Variants in ADGRL2 observed in about 807,000 individuals in gnomAD.
ADGRL2 encodes the protein adhesion G protein-coupled receptor L2.
A neutral mutation model predicts 157.4 loss-of-function variants in ADGRL2; 44 were observed. The ratio of observed to expected loss-of-function variants is 0.28; its 90% CI spans 0.22 to 0.36. The LOEUF is 0.36. Ranked by LOEUF, ADGRL2 falls within the 10% of genes least tolerant of loss-of-function variation. ADGRL2 has a pLI of 1.00. For missense variants in ADGRL2, 1,510 were observed against 1,768.9 expected, an observed-to-expected ratio of 0.85 and a Z score of 2.63; for synonymous variants, 585 against 624.7, an observed-to-expected ratio of 0.94 and a Z score of 0.95.
intron 3 of ADGRL2, among the ~76,000 whole-genome samples, chr1:81,920,239 C>G (rs964930580): frequency 6.6e-6 from 1 of 152,046 alleles, no homozygotes; most frequent in African/African-American, 2.4e-5. Flanking sequence ...TTGAATATCG[C>G]TTAGTAAACA....
chr1:81,543,953 C>T (rs2079952300), intron 2 of ADGRL2, among the ~76,000 whole-genome samples: 1 of 152,160 alleles, frequency 6.6e-6, no homozygotes, highest in Non-Finnish European at 1.5e-5. Context: ...GTCTGCTTGG[C>T]AGAGCCTTCT....
intron 6 of ADGRL2, among the ~76,000 whole-genome samples, chr1:81,944,971 T>A (rs1159509220): frequency 6.6e-6 from 1 of 152,078 alleles, no homozygotes; most frequent in East Asian, 1.9e-4. Flanking sequence ...ATGAGTTTTG[T>A]TCATATAATA....
chr1:81,547,113 C>T (rs1282429471), intron 2 of ADGRL2, among the ~76,000 whole-genome samples: 1 of 152,134 alleles, frequency 6.6e-6, no homozygotes, highest in Non-Finnish European at 1.5e-5. Context: ...GGCAAAGTTG[C>T]CAGGCAAGAC....
rs58546437 is a variant in ADGRL2, at chr1:81,633,500, G to A, written c.-143+52520G>A. ...AATCCCAGCTAATTGGGAGGCTGAG[G>A]CAGGAGAATCACTTGAACTGGGGAA... On this transcript the variant is annotated intron_variant, in intron 3 of 24. Transcript: ENST00000370721. 5.0e-3 allele frequency among the ~76,000 whole-genome samples: 742 copies of A among 149,536 alleles called. 7 individuals carry two copies. The highest frequency in any genetic ancestry group is 0.017 in the African/African-American group (707 of 40,548).
chr1:81,854,383 A>G (rs938017733), intron 2 of ADGRL2, among the ~76,000 whole-genome samples: 5 of 152,166 alleles, frequency 3.3e-5, no homozygotes, highest in Admixed American at 6.6e-5. Context: ...TTTCATGGGA[A>G]AGACAGAAAG....
intron 1 of ADGRL2, among the ~76,000 whole-genome samples, chr1:81,701,975 T>C (rs1282636500): frequency 1.3e-5 from 2 of 152,212 alleles, no homozygotes. Flanking sequence ...AAATACAGTT[T>C]TCATGGTCCT....
intron 17 of ADGRL2, among the ~76,000 whole-genome samples, chr1:81,979,360 A>G (rs560533998): frequency 2.2e-4 from 33 of 151,964 alleles, no homozygotes; most frequent in Admixed American, 1.4e-3. Context: ...TACTTTATAT[A>G]ACAAACGTTT....
chr1:81,497,984 A>G (rs1293017558), intron 2 of ADGRL2, among the ~76,000 whole-genome samples: 1 of 152,214 alleles, frequency 6.6e-6, no homozygotes, highest in Non-Finnish European at 1.5e-5. Flanking sequence ...AGGCGGGCAG[A>G]TCACGAGGTC....
intron 2 of ADGRL2, among the ~76,000 whole-genome samples, chr1:81,863,082 G>A (rs1473742125): frequency 6.6e-6 from 1 of 152,110 alleles, no homozygotes; most frequent in Admixed American, 6.5e-5. Context: ...ATTTTATGGG[G>A]GAGTCTAACA....
At position 81,951,129 on chromosome 1, in the gene ADGRL2, G is replaced by C; in HGVS notation, c.1608+8G>C. 1 of 1,582,884 alleles carries C rather than the reference G, an allele frequency of 6.3e-7. No homozygotes were observed. The highest frequency in any genetic ancestry group is 8.7e-7 in the Non-Finnish European group (1 of 1,152,176). On this transcript the variant is annotated splice_region_variant and intron_variant, in intron 8 of 23. Coordinates refer to ENST00000686636, the MANE Select transcript of ADGRL2 (RefSeq NM_001366006.2). ...AATCAGCTGGCTCAGAAGGTTGGTT[G>C]GAACCTTTTAATATGACACATTGGT...
At chr1:81,864,377 T>G (rs919608043) in intron 2 of ADGRL2, among the ~76,000 whole-genome samples, 1 of 152,102 alleles carries the variant, frequency 6.6e-6, no homozygotes, top group Non-Finnish European at 1.5e-5. Context: ...AAAAATTGAT[T>G]GTAATTTCTA....
At chr1:81,426,998 A>G (rs961994468) in intron 1 of ADGRL2, 1 of 925,294 alleles carries the variant, frequency 1.1e-6, no homozygotes, top group Non-Finnish European at 1.8e-6. Flanking sequence ...AGTTGATAAC[A>G]TTGTTATTCA....
At chr1:81,619,454 A>G (rs1395380808) in intron 3 of ADGRL2, among the ~76,000 whole-genome samples, 2 of 152,188 alleles carry the variant, frequency 1.3e-5, no homozygotes, top group African/African-American at 4.8e-5. Flanking sequence ...CAGGAAGGTC[A>G]ATTTAAGCCA....
intron 1 of ADGRL2, among the ~76,000 whole-genome samples, chr1:81,381,892 C>T (rs1333413998): frequency 1.3e-5 from 2 of 152,198 alleles, no homozygotes; most frequent in African/African-American, 4.8e-5. Context: ...ACCCCACTCA[C>T]CTTCTTTTAT....
At chr1:81,788,892 A>G (rs2087189297) in intron 2 of ADGRL2, among the ~76,000 whole-genome samples, 2 of 151,930 alleles carry the variant, frequency 1.3e-5, no homozygotes, top group African/African-American at 4.8e-5. Flanking sequence ...ATTTTCTTGT[A>G]TTTTTAGTAG....
At position 81,447,413 on chromosome 1, in the gene ADGRL2, G is replaced by A. The variant is rs562366576; in HGVS notation, c.-248+2324G>A. Among the ~76,000 whole-genome samples, 12 of 152,200 alleles carry A rather than the reference G, an allele frequency of 7.9e-5. No individual in the cohort carries two copies. The South Asian group carries it at 2.3e-3, about 29-fold the overall frequency. On this transcript the variant is annotated intron_variant, in intron 2 of 24. Coordinates refer to the ADGRL2 transcript ENST00000370721. ...AAAATATTTCAGCATGATTTTTCTGGCATCTTTGTGATATAAATAAACTTT... is the reference window on the plus strand; with the variant it reads ...AAAATATTTCAGCATGATTTTTCTGACATCTTTGTGATATAAATAAACTTT...
At chr1:81,594,646 C>T (rs1557490966) in intron 3 of ADGRL2, among the ~76,000 whole-genome samples, 1 of 152,182 alleles carries the variant, frequency 6.6e-6, no homozygotes, top group Non-Finnish European at 1.5e-5. Context: ...AGAATTCTCA[C>T]ACTTATCAGG....
At chr1:81,707,332 C>T (rs978718971) in intron 1 of ADGRL2, among the ~76,000 whole-genome samples, 2 of 152,088 alleles carry the variant, frequency 1.3e-5, no homozygotes, top group East Asian at 3.9e-4. Flanking sequence ...GTCATCTCCA[C>T]TCCACCCACT....
intron 1 of ADGRL2, among the ~76,000 whole-genome samples, chr1:81,726,013 C>A (rs2084515566): frequency 6.7e-6 from 1 of 148,828 alleles, no homozygotes; most frequent in Non-Finnish European, 1.5e-5. Context: ...AAACAAAAAC[C>A]CAAAAACCAA....
Sources: allele counts gnomAD v4.1 joint callset (sites outside exome capture counted in the v4.1 genomes callset), GRCh38; gene constraint gnomAD v4.1.1; transcripts MANE v1.5; gene names NCBI Gene and HGNC (gene_info 2026-07-23, HGNC 2026-07-21).